IL1RAPL1: variants seen among roughly 807,000 people sequenced by gnomAD.
The protein encoded by IL1RAPL1 is interleukin 1 receptor accessory protein like 1, also known as interleukin-1 receptor accessory protein-like 1.
IL1RAPL1 carries 3 observed loss-of-function variants against 48.4 expected under a neutral mutation model. The observed-to-expected ratio is 0.06, with a 90% CI of 0.03 to 0.16. IL1RAPL1 has a LOEUF of 0.16. Among genes scored for constraint, IL1RAPL1 ranks in the 10% least tolerant of loss-of-function variants. The pLI, the probability that IL1RAPL1 is intolerant of heterozygous loss-of-function variation, is 1.00. For missense variants in IL1RAPL1, 349 were observed against 530.6 expected (o/e 0.66, Z 3.36); for synonymous variants, 185 against 187.7 (o/e 0.99, Z 0.12).
chrX:29,844,008 C>T lies in IL1RAPL1; in HGVS notation c.779-73456C>T, dbSNP rs111717364. Among the ~76,000 whole-genome samples, 560 of 111,425 alleles carry T rather than the reference C, an allele frequency of 5.0e-3. 2 individuals carry two copies. The highest frequency in any genetic ancestry group is 0.018 in the African/African-American group (538 of 30,682). The stretch of plus-strand genomic sequence containing the variant: ...CAGGTTCCAGAGATTGAGATTAGGA[C>T]GTGGACATGTTTTGGGGATCATTAT... On this transcript the variant is annotated intron_variant, in intron 6 of 10. Coordinates refer to ENST00000378993, the MANE Select transcript of IL1RAPL1 (RefSeq NM_014271.4).
intron 7 of IL1RAPL1, among the ~76,000 whole-genome samples, chrX:29,918,496 ACT>A (rs1424108019): frequency 1.0e-5 from 1 of 97,741 alleles, no homozygotes; most frequent in East Asian, 3.1e-4. Context: ...CAAGAGCGAA[ACT>A]CTGTCTCAAA....
intron 2 of IL1RAPL1, among the ~76,000 whole-genome samples, chrX:28,826,927 C>G (rs7889746): frequency 0.15 from 16,272 of 110,058 alleles, 2,258 homozygotes; most frequent in African/African-American, 0.43. Flanking sequence ...CAAGTAGTTT[C>G]AGAGGCAGCC....
At chrX:29,809,770 C>T (rs772436108) in intron 6 of IL1RAPL1, among the ~76,000 whole-genome samples, 3 of 106,209 alleles carry the variant, frequency 2.8e-5, no homozygotes, top group South Asian at 7.9e-4. Context: ...ATACCCAAGT[C>T]GTTAACTTTT....
chrX:29,268,577 C>T (rs1008261726), intron 2 of IL1RAPL1, among the ~76,000 whole-genome samples: 26 of 112,121 alleles, frequency 2.3e-4, no homozygotes, highest in African/African-American at 8.4e-4. Flanking sequence ...TAAGGGCAAG[C>T]CACCACACAG....
chrX:29,354,262 T>C (rs1191945486), intron 3 of IL1RAPL1, among the ~76,000 whole-genome samples: 1 of 111,135 alleles, frequency 9.0e-6, no homozygotes, highest in African/African-American at 3.3e-5. Context: ...CTACACTTAT[T>C]TGGAAGATAA....
intron 2 of IL1RAPL1, among the ~76,000 whole-genome samples, chrX:29,140,454 G>A (rs944082906): frequency 5.4e-5 from 6 of 111,944 alleles, no homozygotes; most frequent in Middle Eastern, 4.6e-3. Flanking sequence ...GAGGAATATA[G>A]CAAAATATAT....
At chrX:29,355,505 A>T (rs1239017119) in intron 3 of IL1RAPL1, among the ~76,000 whole-genome samples, 4 of 112,626 alleles carry the variant, frequency 3.6e-5, no homozygotes, top group Non-Finnish European at 5.6e-5. Context: ...CTTGTAGCAT[A>T]AAGATATAAC....
chrX:29,310,277 A>T (rs978975618), intron 3 of IL1RAPL1, among the ~76,000 whole-genome samples: 3 of 109,358 alleles, frequency 2.7e-5, no homozygotes, highest in African/African-American at 1.0e-4. Flanking sequence ...TATCCGTATG[A>T]AGTTCATGGC....
intron 1 of IL1RAPL1, among the ~76,000 whole-genome samples, chrX:28,681,983 T>C (rs1373767712): frequency 8.9e-6 from 1 of 112,024 alleles, no homozygotes; most frequent in Non-Finnish European, 1.9e-5. Flanking sequence ...CAGCCATGAA[T>C]CTGCTTTCCG....
intron 2 of IL1RAPL1, among the ~76,000 whole-genome samples, chrX:28,935,538 C>T (rs1172862908): frequency 9.0e-6 from 1 of 111,390 alleles, no homozygotes; most frequent in Non-Finnish European, 1.9e-5. Flanking sequence ...ACTGAGAGAA[C>T]TTTAAATGGT....
At chrX:29,700,996 A>G (rs1927034720) in intron 6 of IL1RAPL1, among the ~76,000 whole-genome samples, 1 of 112,193 alleles carries the variant, frequency 8.9e-6, no homozygotes, top group African/African-American at 3.2e-5. Context: ...TGCTGAATCT[A>G]CAAACTTTCA....
At chrX:29,646,711 G>GAA (rs374029622) in intron 5 of IL1RAPL1, among the ~76,000 whole-genome samples, 5 of 99,193 alleles carry the variant, frequency 5.0e-5, no homozygotes, top group African/African-American at 1.8e-4. Context: ...TACACAGCAA[G>GAA]AAAAAAAAAA....
intron 6 of IL1RAPL1, among the ~76,000 whole-genome samples, chrX:29,726,744 A>G (rs1927783979): frequency 8.9e-6 from 1 of 112,338 alleles, no homozygotes; most frequent in African/African-American, 3.2e-5. Flanking sequence ...AGACTGAGGC[A>G]GGAGGATATC....
intron 1 of IL1RAPL1, among the ~76,000 whole-genome samples, chrX:28,706,437 C>T (rs759227612): frequency 1.9e-5 from 2 of 106,039 alleles, no homozygotes; most frequent in African/African-American, 3.5e-5. Context: ...TTTTTTGAGA[C>T]AGTCTCACTC....
At chrX:29,409,853 A>C (rs1602221679) in intron 5 of IL1RAPL1, among the ~76,000 whole-genome samples, 1 of 76,361 alleles carries the variant, frequency 1.3e-5, no homozygotes, top group African/African-American at 5.1e-5. Flanking sequence ...ATGGAGTTTC[A>C]CTCTTGTTGC....
chrX:29,128,240 C>T (rs1338889602), intron 2 of IL1RAPL1, among the ~76,000 whole-genome samples: 1 of 111,065 alleles, frequency 9.0e-6, no homozygotes, highest in Non-Finnish European at 1.9e-5. Context: ...CCTCATTGCT[C>T]TTAAAGCATG....
intron 6 of IL1RAPL1, among the ~76,000 whole-genome samples, chrX:29,831,056 G>A (rs1021371421): frequency 1.2e-4 from 13 of 111,746 alleles, no homozygotes; most frequent in Admixed American, 3.8e-4. Flanking sequence ...TAGAGACAAT[G>A]TCTCTAGAGA....
chrX:29,252,276 G>A (rs372296458), intron 2 of IL1RAPL1, among the ~76,000 whole-genome samples: 5,631 of 45,827 alleles, frequency 0.12, 332 homozygotes, highest in African/African-American at 0.28. Context: ...AATAGTAAAA[G>A]AAAAAAGAAA....
intron 9 of IL1RAPL1, among the ~76,000 whole-genome samples, chrX:29,942,124 C>CT (rs930084707): frequency 2.7e-5 from 3 of 111,483 alleles, no homozygotes; most frequent in Non-Finnish European, 5.7e-5. Flanking sequence ...GCCAGTTTTA[C>CT]TTTTTTTTAG....
Sources: gnomAD v4.1 joint callset for allele counts (sites outside exome capture counted in the v4.1 genomes callset) on GRCh38, gnomAD v4.1.1 for gene constraint, MANE v1.5 for transcripts, NCBI Gene and HGNC (gene_info 2026-07-23, HGNC 2026-07-21) for gene names.